AFAP1: variants seen among roughly 807,000 people sequenced by gnomAD.
AFAP1 encodes the protein actin filament-associated protein 1.
In AFAP1, 75 loss-of-function variants were observed where a neutral mutation model predicts 93.9. The observed-to-expected ratio is 0.80, with a 90% CI of 0.66 to 0.97. The LOEUF (loss-of-function observed/expected upper bound fraction) is 0.97, where lower values mean the gene tolerates loss of function less well. Among genes scored for constraint, AFAP1 ranks in the 50% least tolerant of loss-of-function variants. The pLI, the probability that AFAP1 is intolerant of heterozygous loss-of-function variation, is 0.00. For missense variants in AFAP1, 1,201 were observed against 1,050.8 expected (o/e 1.14, Z -1.98); for synonymous variants, 517 against 430.7 (o/e 1.20, Z -2.48).
At chr4:7,849,872 A>G (rs28675899) in intron 4 of AFAP1, among the ~76,000 whole-genome samples, 15,121 of 151,820 alleles carry the variant, frequency 0.1, 1,343 homozygotes, top group East Asian at 0.48. Context: ...AGGGTCACAA[A>G]GTTTTGAACA....
chr4:7,928,914 G>A (rs1720915538), intron 1 of AFAP1, among the ~76,000 whole-genome samples: 1 of 152,356 alleles, frequency 6.6e-6, no homozygotes, highest in Admixed American at 6.5e-5. Flanking sequence ...GAGCCAGCAT[G>A]CCCAGCCAGG....
chr4:7,768,881 C>A lies in AFAP1; in HGVS notation c.2381G>T (p.Ser794Ile). Residue 794 changes from serine to isoleucine, a missense_variant, in exon 17 of 18, where the codon AGC becomes ATC. Transcript: ENST00000420658. ...VLKKSQAAPG[S>I]SPCRGHVLRK... is the part of the protein sequence containing the mutation. ...CAGCACATGCCCTCGGCAGGGGGAG[C>A]TGCCCGGGGCAGCCTGGCTCTTCTT... 6.2e-7 allele frequency: 1 copy of A among 1,607,828 alleles called. No homozygotes were observed. Among genetic ancestry groups the A allele is most frequent in the Non-Finnish European group, 8.5e-7 (1 of 1,175,476 alleles).
intron 1 of AFAP1, among the ~76,000 whole-genome samples, chr4:7,928,448 C>A (rs146526156): frequency 0.015 from 2,356 of 152,230 alleles, 69 homozygotes; most frequent in African/African-American, 0.054. Context: ...AGTGCAGTGA[C>A]GCCATCTCGG....
intron 14 of AFAP1, 162 bp downstream of exon 14, chr4:7,778,600 C>T: frequency 1.4e-6 from 1 of 719,246 alleles, no homozygotes; most frequent in Non-Finnish European, 2.4e-6. Context: ...TTGAAATCGC[C>T]ACTGTCCTTC....
Position 7,774,751 on chromosome 4 carries a change from C to T in AFAP1, c.2050G>A (p.Glu684Lys). The T allele has an allele frequency of 6.2e-7, 1 of 1,614,192 alleles. No homozygotes were observed. Among genetic ancestry groups the T allele is most frequent in the African/African-American group, 1.3e-5 (1 of 75,060 alleles). The change falls in exon 15 of 18, where the codon GAA becomes AAA. Residue 684 changes from glutamate (E) to lysine (K), a missense_variant. By Grantham distance (56) the Glu-to-Lys change is moderately conservative. Transcript: ENST00000420658. Reference protein sequence around the residue: ...KERKDLRAAIEVNAGRKPQAI... With the variant: ...KERKDLRAAIKVNAGRKPQAI... The stretch of plus-strand genomic sequence containing the variant: ...ACACCCTTCATACCGGCGTTCACTT[C>T]AATAGCCGCTCGAAGGTCTTTTCTT...
intron 3 of AFAP1, among the ~76,000 whole-genome samples, chr4:7,864,475 T>C (rs1716188656): frequency 6.6e-6 from 1 of 152,160 alleles, no homozygotes; most frequent in Non-Finnish European, 1.5e-5. Context: ...ACTTGCTGAA[T>C]CCCAAATTCA....
Position 7,763,548 on chromosome 4 carries a change from GGGAACC to G in AFAP1, c.*211_*216del, listed in dbSNP as rs1174107137. 1 of 568,322 alleles carries G rather than the reference GGGAACC, an allele frequency of 1.8e-6. No individual in the cohort carries two copies. Among genetic ancestry groups the G allele is most frequent in the African/African-American group, 1.9e-5 (1 of 52,940 alleles). 35.2% of individuals were successfully genotyped at this position (568,322 alleles called of 1,614,324 possible). On this transcript the variant is annotated 3_prime_UTR_variant, in exon 18 of 18. Coordinates refer to ENST00000420658, the MANE Select transcript of AFAP1 (RefSeq NM_001134647.2). ...ACTTTTTTTGTTTTTTAACAAAGTTGGGAACCAAAGTCTTACATCTTTTTTAAAGGC... is the reference window on the plus strand; with the variant it reads ...ACTTTTTTTGTTTTTTAACAAAGTTGAAAGTCTTACATCTTTTTTAAAGGC...
At chr4:7,906,998 A>G (rs370791462) in intron 1 of AFAP1, among the ~76,000 whole-genome samples, 1,001 of 83,108 alleles carry the variant, frequency 0.012, 8 homozygotes, top group African/African-American at 0.036. Flanking sequence ...GCAAAACTCC[A>G]CCTCAAAAAA....
intron 8 of AFAP1, among the ~76,000 whole-genome samples, chr4:7,813,075 G>A (rs929188200): frequency 5.9e-5 from 9 of 152,188 alleles, no homozygotes; most frequent in African/African-American, 2.2e-4. Flanking sequence ...GTCGTTCCCT[G>A]TGGCTTTGAC....
intron 1 of AFAP1, among the ~76,000 whole-genome samples, chr4:7,938,244 G>A (rs1721509328): frequency 6.6e-6 from 1 of 152,202 alleles, no homozygotes; most frequent in African/African-American, 2.4e-5. Flanking sequence ...AGGAGCCACA[G>A]CTGCGGTAAT....
At position 7,817,112 on chromosome 4, in the gene AFAP1, TG is replaced by T. The variant is rs575050212; in HGVS notation, c.823-1014del. ...GATGAGGAACTTGGATGCAGTATGG[TG>T]GGAAATAAAATTGCATCAACCTTTT... On this transcript the variant is annotated intron_variant, in intron 7 of 17. Coordinates refer to ENST00000420658, the MANE Select transcript of AFAP1 (RefSeq NM_001134647.2). Among the ~76,000 whole-genome samples, 230 of 152,262 alleles carry T rather than the reference TG, an allele frequency of 1.5e-3. 1 individual carries two copies. Among genetic ancestry groups the T allele is most frequent in the African/African-American group, 5.4e-3 (224 of 41,556 alleles).
chr4:7,843,006 G>A (rs901108818), intron 5 of AFAP1, 133 bp downstream of exon 5: 1 of 1,004,790 alleles, frequency 1.0e-6, no homozygotes, highest in Non-Finnish European at 1.5e-6. Flanking sequence ...ACTGCGGCTA[G>A]CTCAGGGCAC....
intron 4 of AFAP1, chr4:7,843,632 CACTG>C (rs1213771486): frequency 2.9e-6 from 1 of 347,918 alleles, no homozygotes; most frequent in Non-Finnish European, 5.3e-6. Flanking sequence ...GCTGACCCGA[CACTG>C]ACTCCTCACC....
chr4:7,867,138 G>T, intron 3 of AFAP1, among the ~76,000 whole-genome samples: 1 of 123,586 alleles, frequency 8.1e-6, no homozygotes, highest in Non-Finnish European at 1.7e-5. Context: ...GAGCGGAGGG[G>T]AGGGGAGGGG....
chr4:7,909,238 C>T (rs1232769015), intron 1 of AFAP1, among the ~76,000 whole-genome samples: 1 of 152,162 alleles, frequency 6.6e-6, no homozygotes, highest in African/African-American at 2.4e-5. Context: ...ATGATGACCC[C>T]TTGTCATCCC....
rs191579739 is a variant in AFAP1, at chr4:7,817,945, G to C, written c.822+1131C>G. On this transcript the variant is annotated intron_variant, in intron 7 of 17. Transcript: ENST00000420658. ...CCATTTATGTTTCTATGAGCTTTCT[G>C]AATTTTCTAAAGTGAGCAGAGATTA... Among the ~76,000 whole-genome samples, 514 of 152,274 alleles carry C rather than the reference G, an allele frequency of 3.4e-3. 4 individuals are homozygous for C. The highest frequency in any genetic ancestry group is 0.011 in the African/African-American group (473 of 41,562).
chr4:7,820,858 C>T (rs1720914464), intron 6 of AFAP1, among the ~76,000 whole-genome samples: 1 of 152,160 alleles, frequency 6.6e-6, no homozygotes, highest in African/African-American at 2.4e-5. Flanking sequence ...GTGGCTCACA[C>T]CTGTAATCCC....
chr4:7,763,884 G>C, intron 17 of AFAP1, 93 bp from the exon 18 acceptor site: 1 of 1,307,228 alleles, frequency 7.6e-7, no homozygotes, highest in Non-Finnish European at 1.1e-6. Context: ...AGAGGGGGTG[G>C]GTGCTCGGCT....
At chr4:7,839,342 A>G (rs764316570) in intron 5 of AFAP1, among the ~76,000 whole-genome samples, 2 of 145,926 alleles carry the variant, frequency 1.4e-5, no homozygotes, top group Non-Finnish European at 3.0e-5. Flanking sequence ...CAACTAACAA[A>G]GAAAAACAAA....
Sources: allele counts gnomAD v4.1 joint callset (sites outside exome capture counted in the v4.1 genomes callset), GRCh38; gene constraint gnomAD v4.1.1; transcripts MANE v1.5; gene names NCBI Gene and HGNC (gene_info 2026-07-23, HGNC 2026-07-21).